MAP4K4: variants seen among roughly 807,000 people sequenced by gnomAD.
MAP4K4 encodes the protein mitogen-activated protein kinase kinase kinase kinase 4, also known as HPK/GCK-like kinase HGK.
In MAP4K4, 38 loss-of-function variants were observed where a neutral mutation model predicts 189.6. The ratio of observed to expected loss-of-function variants is 0.20; its 90% confidence interval spans 0.15 to 0.26. The LOEUF is 0.26. MAP4K4 is among the 10% of genes least tolerant of loss of function. The pLI, the probability that MAP4K4 is intolerant of heterozygous loss-of-function variation, is 1.00. For missense variants in MAP4K4, 1,054 were observed against 1,726.9 expected (o/e 0.61, Z 6.91); for synonymous variants, 610 against 624.3 (o/e 0.98, Z 0.34).
chr2:101,849,295 G>A (rs547591631), intron 12 of MAP4K4, among the ~76,000 whole-genome samples: 1 of 151,930 alleles, frequency 6.6e-6, no homozygotes, highest in Non-Finnish European at 1.5e-5. Context: ...GCTAATTTTT[G>A]TATTTTTTGT....
At chr2:101,889,021 TG>T in intron 32 of MAP4K4, 86 bp downstream of exon 32, 1 of 1,203,314 alleles carries the variant, frequency 8.3e-7, no homozygotes, top group Non-Finnish European at 1.1e-6. Context: ...TTAATTTCCT[TG>T]GAGTTTTGAT....
intron 2 of MAP4K4, among the ~76,000 whole-genome samples, chr2:101,727,766 C>A (rs953815465): frequency 3.3e-5 from 5 of 152,196 alleles, no homozygotes; most frequent in Admixed American, 2.6e-4. Flanking sequence ...GTCAGGTGTT[C>A]AAGACCAGCC....
rs2098464180 is a variant in MAP4K4 at position 101,885,297 on chromosome 2, T to A, written c.3621+10T>A. 1 of 1,519,462 alleles carries A rather than the reference T, an allele frequency of 6.6e-7. No individual in the cohort carries two copies. The highest frequency in any genetic ancestry group is 1.7e-4 in the Middle Eastern group (1 of 5,812). 94.1% of individuals were successfully genotyped at this position (1,519,462 alleles called of 1,614,324 possible). A position where few individuals can be genotyped will look rare whatever the true frequency, so the allele number is the denominator to read the frequency against. ...ATTTATGGCCTTTAAGGTAACAACA[T>A]CAAGTGAATTTAAAAGTAGTATTGG... On this transcript the variant is annotated intron_variant, in intron 29 of 32. Transcript: ENST00000324219.
chr2:101,893,308 G>A (rs1440498110), exon 33 of MAP4K4: 2 of 455,700 alleles, frequency 4.4e-6, no homozygotes, highest in Admixed American at 4.7e-5. Flanking sequence ...GATGGAAATG[G>A]ATGTTTCATT....
chr2:101,723,958 C>G (rs1054631977), intron 2 of MAP4K4, among the ~76,000 whole-genome samples: 4 of 152,128 alleles, frequency 2.6e-5, no homozygotes, highest in African/African-American at 9.7e-5. Context: ...TTAGGAAGGT[C>G]GGCTGACATT....
intron 16 of MAP4K4, 103 bp downstream of exon 16, chr2:101,861,089 A>C: frequency 9.3e-7 from 1 of 1,076,696 alleles, no homozygotes; most frequent in Non-Finnish European, 1.3e-6. Flanking sequence ...CCACACTGAA[A>C]AAGAGGAGAG....
At chr2:101,770,266 G>A (rs1194776712) in intron 2 of MAP4K4, among the ~76,000 whole-genome samples, 1 of 31,202 alleles carries the variant, frequency 3.2e-5, no homozygotes, top group Admixed American at 3.5e-4. Flanking sequence ...TTTTTTTTTT[G>A]AGACGGAGTT....
At chr2:101,891,336 C>A in exon 33 of MAP4K4, 1 of 1,134,970 alleles carries the variant, frequency 8.8e-7, no homozygotes, top group Non-Finnish European at 1.3e-6. Context: ...CTCGGAGCTG[C>A]ACCGAGGGCA....
intron 2 of MAP4K4, among the ~76,000 whole-genome samples, chr2:101,781,045 A>G (rs2087084832): frequency 6.6e-6 from 1 of 152,244 alleles, no homozygotes; most frequent in Non-Finnish European, 1.5e-5. Flanking sequence ...TACTAGTGAT[A>G]GCTGCTTGCA....
intron 16 of MAP4K4, 82 bp from the exon 17 acceptor site, chr2:101,863,738 TC>T: frequency 3.3e-6 from 3 of 899,224 alleles, no homozygotes; most frequent in Non-Finnish European, 3.3e-6. Flanking sequence ...CTCTGCCAGT[TC>T]CTGCTTTGGA....
intron 3 of MAP4K4, among the ~76,000 whole-genome samples, chr2:101,794,548 G>A (rs1239032679): frequency 3.9e-5 from 6 of 152,204 alleles, no homozygotes; most frequent in African/African-American, 1.2e-4. Flanking sequence ...GTTTGTGTGT[G>A]TGTACTGTTA....
chr2:101,747,078 G>A (rs1245471740), intron 2 of MAP4K4, among the ~76,000 whole-genome samples: 1 of 151,984 alleles, frequency 6.6e-6, no homozygotes, highest in African/African-American at 2.4e-5. Context: ...GACATCTAAG[G>A]GCTTCTCCTG....
intron 12 of MAP4K4, among the ~76,000 whole-genome samples, chr2:101,848,513 A>G (rs2097179939): frequency 1.3e-5 from 2 of 152,216 alleles, no homozygotes; most frequent in Admixed American, 1.3e-4. Context: ...CTGAAAGGAG[A>G]TAACTGTTAT....
At chr2:101,804,548 GGGTCTTTTCTCT>G (rs1306681033) in intron 3 of MAP4K4, among the ~76,000 whole-genome samples, 9 of 152,090 alleles carry the variant, frequency 5.9e-5, no homozygotes, top group Non-Finnish European at 1.3e-4. Flanking sequence ...GCATGTCCAG[GGGTCTTTTCTCT>G]GAGCACAGGA....
At chr2:101,709,831 A>G (rs529086922) in intron 2 of MAP4K4, among the ~76,000 whole-genome samples, 18 of 152,274 alleles carry the variant, frequency 1.2e-4, no homozygotes, top group Non-Finnish European at 2.4e-4. Flanking sequence ...ATTTGTTTCA[A>G]GTGTATTTTT....
intron 2 of MAP4K4, among the ~76,000 whole-genome samples, chr2:101,773,379 AG>A (rs1225534549): frequency 6.6e-6 from 1 of 152,244 alleles, no homozygotes; most frequent in Non-Finnish European, 1.5e-5. Flanking sequence ...AATAGGCCGA[AG>A]GCCCAGAGGC....
chr2:101,819,044 C>T lies in MAP4K4; in HGVS notation c.181-4884C>T, dbSNP rs544414433. Among the ~76,000 whole-genome samples, 4 of 152,282 alleles carry T rather than the reference C, an allele frequency of 2.6e-5. No individual in the cohort carries two copies. The East Asian group carries it at 7.7e-4, about 29-fold the overall frequency. On this transcript the variant is annotated intron_variant, in intron 3 of 32. Transcript: ENST00000324219. ...GAGGACACAGTAGTTTGGACTCTGCCTGGACACATGGAATATATAAACTTC... is the reference window on the plus strand; with the variant it reads ...GAGGACACAGTAGTTTGGACTCTGCTTGGACACATGGAATATATAAACTTC...
intron 3 of MAP4K4, among the ~76,000 whole-genome samples, chr2:101,792,160 A>G (rs2092982210): frequency 6.6e-6 from 1 of 152,212 alleles, no homozygotes; most frequent in African/African-American, 2.4e-5. Context: ...GGAATGATCA[A>G]TACCACCTTC....
At position 101,762,594 on chromosome 2, in the gene MAP4K4, G is replaced by C. The variant is rs576713430; in HGVS notation, c.124-28126G>C. 2.0e-5 allele frequency among the ~76,000 whole-genome samples: 3 copies of C among 152,256 alleles called. No homozygotes were observed. In the East Asian group the frequency reaches 5.8e-4, roughly 29 times the overall value. The stretch of plus-strand genomic sequence containing the variant: ...GAGGTAAAACGGCTAAGTGGCACAG[G>C]GGAAGATTATTAAGGGCATGGCCAT... On this transcript the variant is annotated intron_variant, in intron 2 of 32. Transcript: ENST00000324219.
Sources: allele counts gnomAD v4.1 joint callset (sites outside exome capture counted in the v4.1 genomes callset), GRCh38; gene constraint gnomAD v4.1.1; transcripts MANE v1.5; gene names NCBI Gene and HGNC (gene_info 2026-07-23, HGNC 2026-07-21).